Variants in SSBP3 observed in about 807,000 individuals in gnomAD.
SSBP3 encodes the protein single stranded DNA binding protein 3, also known as single-stranded DNA-binding protein 3.
A neutral mutation model predicts 69.6 loss-of-function variants in SSBP3; 5 were observed. The observed-to-expected ratio is 0.07, with a 90% CI of 0.04 to 0.15. SSBP3 has a LOEUF of 0.15. Ranked by LOEUF, SSBP3 falls within the 10% of genes least tolerant of loss-of-function variation. The probability of loss-of-function intolerance (pLI) is 1.00; values close to 1 mark genes in which losing one functional copy is unlikely to be tolerated. For missense variants in SSBP3, 312 were observed against 534.0 expected (o/e 0.58, Z 4.10); for synonymous variants, 196 against 193.4 (o/e 1.01, Z -0.11).
chr1:54,350,520 A>T (rs939902494), intron 4 of SSBP3, among the ~76,000 whole-genome samples: 2 of 152,200 alleles, frequency 1.3e-5, no homozygotes, highest in Admixed American at 6.5e-5. Context: ...CAGCCAAGAG[A>T]GATTTATACG....
At chr1:54,339,093 C>T (rs1557545316) in intron 4 of SSBP3, among the ~76,000 whole-genome samples, 1 of 152,112 alleles carries the variant, frequency 6.6e-6, no homozygotes, top group Non-Finnish European at 1.5e-5. Context: ...TGGTTCAATT[C>T]CAGCCTCCAA....
In SSBP3 at chr1:54,246,598, C is replaced by T. The variant is rs755843322; in HGVS notation, c.652-3299G>A. On this transcript the variant is annotated intron_variant, in intron 9 of 17. Transcript: ENST00000610401. The stretch of plus-strand genomic sequence containing the variant: ...AGCTGGGAGGCTCCAAGTGCACTAT[C>T]CTGCCGCTCCTGACCCTGCCTGGCC... Among the ~76,000 whole-genome samples, 44 of 152,196 alleles carry T rather than the reference C, an allele frequency of 2.9e-4. 1 individual carries two copies. Among genetic ancestry groups the T allele is most frequent in the Non-Finnish European group, 4.9e-4 (33 of 68,034 alleles).
intron 4 of SSBP3, among the ~76,000 whole-genome samples, chr1:54,338,459 T>C (rs1422091993): frequency 6.6e-6 from 1 of 152,152 alleles, no homozygotes; most frequent in Non-Finnish European, 1.5e-5. Context: ...CCGCCTATGC[T>C]TCCCGCCCTC....
intron 4 of SSBP3, among the ~76,000 whole-genome samples, chr1:54,352,566 G>A (rs1024032966): frequency 6.6e-6 from 1 of 152,120 alleles, no homozygotes; most frequent in African/African-American, 2.4e-5. Context: ...CATCCATATG[G>A]GGTCTTACTA....
intron 3 of SSBP3, among the ~76,000 whole-genome samples, chr1:54,403,932 G>C (rs1041956653): frequency 3.3e-5 from 5 of 150,996 alleles, no homozygotes; most frequent in Admixed American, 2.0e-4. Context: ...GAGTCACAGA[G>C]AGTGGGAGCC....
intron 1 of SSBP3, chr1:54,412,561 G>C: frequency 1.3e-5 from 2 of 152,144 alleles, no homozygotes. Context: ...GGGAGTTAGC[G>C]TTTAATGATA....
chr1:54,361,942 C>T (rs1312409981), intron 4 of SSBP3, among the ~76,000 whole-genome samples: 1 of 152,172 alleles, frequency 6.6e-6, no homozygotes, highest in Non-Finnish European at 1.5e-5. Context: ...GAGGGTGCAA[C>T]CACAGAAAGC....
intron 4 of SSBP3, among the ~76,000 whole-genome samples, chr1:54,351,231 T>C (rs1430970579): frequency 3.9e-5 from 6 of 152,168 alleles, no homozygotes; most frequent in African/African-American, 1.4e-4. Context: ...ACTCGAAAAG[T>C]TAGCACAAAG....
intron 5 of SSBP3, among the ~76,000 whole-genome samples, chr1:54,268,526 G>A (rs1213349860): frequency 6.6e-6 from 1 of 152,238 alleles, no homozygotes; most frequent in African/African-American, 2.4e-5. Context: ...AGGAAGGGGG[G>A]CTGCAAAGCC....
chr1:54,238,795 C>T (rs907848078), intron 14 of SSBP3: 2 of 367,196 alleles, frequency 5.4e-6, no homozygotes, highest in Non-Finnish European at 1.1e-5. Context: ...CGGGCCACAG[C>T]CAGTTTGCTG....
At chr1:54,294,854 G>A (rs1379953156) in intron 4 of SSBP3, among the ~76,000 whole-genome samples, 1 of 152,136 alleles carries the variant, frequency 6.6e-6, no homozygotes, top group Non-Finnish European at 1.5e-5. Flanking sequence ...GACAGCAGAG[G>A]AAAAAGGGGC....
At chr1:54,229,645 A>G (rs1464255345) in intron 14 of SSBP3, among the ~76,000 whole-genome samples, 1 of 152,172 alleles carries the variant, frequency 6.6e-6, no homozygotes, top group East Asian at 1.9e-4. Flanking sequence ...GGAAGACCAG[A>G]AAGGTCACAT....
chr1:54,315,438 C>T (rs898019198), intron 4 of SSBP3, among the ~76,000 whole-genome samples: 2 of 152,122 alleles, frequency 1.3e-5, no homozygotes, highest in African/African-American at 4.8e-5. Context: ...GTGTTTGGTA[C>T]AGAAAGTAGA....
At chr1:54,353,220 A>ATTTTGT (rs1278022442) in intron 4 of SSBP3, among the ~76,000 whole-genome samples, 9 of 152,188 alleles carry the variant, frequency 5.9e-5, no homozygotes, top group African/African-American at 1.9e-4. Context: ...TTTTGCATCT[A>ATTTTGT]ACAAGGCCCT....
intron 3 of SSBP3, among the ~76,000 whole-genome samples, chr1:54,402,786 C>A (rs930979210): frequency 3.3e-5 from 5 of 152,180 alleles, no homozygotes; most frequent in African/African-American, 1.2e-4. Flanking sequence ...AAAATGAGAA[C>A]AGACATACAA....
intron 4 of SSBP3, among the ~76,000 whole-genome samples, chr1:54,351,842 G>A (rs758155040): frequency 4.6e-5 from 7 of 152,140 alleles, no homozygotes; most frequent in Non-Finnish European, 1.0e-4. Flanking sequence ...CTCCTGACTC[G>A]ATCTGGCCCA....
intron 4 of SSBP3, among the ~76,000 whole-genome samples, chr1:54,318,120 C>T (rs941544198): frequency 2.0e-5 from 3 of 152,062 alleles, no homozygotes; most frequent in Non-Finnish European, 2.9e-5. Flanking sequence ...GGGGTGGGAG[C>T]GAGGAGAGGT....
intron 4 of SSBP3, among the ~76,000 whole-genome samples, chr1:54,366,105 A>C (rs181985234): frequency 2.0e-5 from 3 of 152,254 alleles, no homozygotes; most frequent in Admixed American, 2.0e-4. Context: ...TTTTCCAGAA[A>C]GTCTTCCTTA....
chr1:54,291,270 A>G (rs2100945282), intron 4 of SSBP3, among the ~76,000 whole-genome samples: 1 of 152,300 alleles, frequency 6.6e-6, no homozygotes, highest in Non-Finnish European at 1.5e-5. Flanking sequence ...GGACCAAGTC[A>G]CTTTCCCTCA....
Sources: gnomAD v4.1 joint callset for allele counts (sites outside exome capture counted in the v4.1 genomes callset) on GRCh38, gnomAD v4.1.1 for gene constraint, MANE v1.5 for transcripts, NCBI Gene and HGNC (gene_info 2026-07-23, HGNC 2026-07-21) for gene names.